Variants in PRELID2 observed in about 807,000 individuals in gnomAD.
The protein encoded by PRELID2 is PRELI domain-containing protein 2.
A neutral mutation model predicts 28.4 loss-of-function variants in PRELID2; 25 were observed. The observed-to-expected ratio is 0.88, with a 90% CI of 0.64 to 1.23. The LOEUF is 1.23. Ranked by LOEUF, PRELID2 falls within the 50% of genes most tolerant of loss-of-function variation. The pLI is 0.00. For synonymous variants in PRELID2, 76 were observed against 71.6 expected (o/e 1.06, Z -0.31); for missense variants, 201 against 214.4 (o/e 0.94, Z 0.39).
At chr5:145,651,776 A>G (rs553119865) in intron 1 of PRELID2, among the ~76,000 whole-genome samples, 5 of 152,332 alleles carry the variant, frequency 3.3e-5, no homozygotes, top group African/African-American at 1.2e-4. Flanking sequence ...ATCAAAGACC[A>G]AGGTAGATAA....
At chr5:145,504,809 C>G (rs1451839577) in intron 1 of PRELID2, among the ~76,000 whole-genome samples, 1 of 152,180 alleles carries the variant, frequency 6.6e-6, no homozygotes, top group Non-Finnish European at 1.5e-5. Flanking sequence ...TATAACTTAT[C>G]TAATTATATT....
At chr5:145,697,072 T>TACAC (rs1280033754) in intron 1 of PRELID2, among the ~76,000 whole-genome samples, 2 of 117,998 alleles carry the variant, frequency 1.7e-5, no homozygotes, top group African/African-American at 4.6e-5. Context: ...TATATATATA[T>TACAC]ATATATATAC....
In PRELID2 at chr5:145,483,775, C is replaced by A. The variant is rs140327135; in HGVS notation, n.71-10460G>T. 8.7e-3 allele frequency among the ~76,000 whole-genome samples: 1,321 copies of A among 152,316 alleles called. 18 individuals carry two copies. Among genetic ancestry groups the A allele is most frequent in the African/African-American group, 0.031 (1,274 of 41,566 alleles). ...GTTGAAAACCTATGTCCTTACCTAT[C>A]ACAATATGCTAAGATAATTGTCTTA... On this transcript the variant is annotated intron_variant and non_coding_transcript_variant, in intron 1 of 2. Coordinates refer to the PRELID2 transcript ENST00000510259.
chr5:145,517,876 C>A (rs1049756490), intron 1 of PRELID2, among the ~76,000 whole-genome samples: 14 of 152,086 alleles, frequency 9.2e-5, no homozygotes, highest in African/African-American at 3.4e-4. Flanking sequence ...TCATTCTCAG[C>A]AAACTAACAC....
chr5:145,313,527 G>A, the PRELID2 span, among the ~76,000 whole-genome samples: 1,577 of 141,430 alleles, frequency 0.011, 10 homozygotes, highest in Non-Finnish European at 0.017. Flanking sequence ...TCTGCTCTCC[G>A]ACAATAGCCT....
intron 1 of PRELID2, among the ~76,000 whole-genome samples, chr5:145,651,995 A>G (rs1441999179): frequency 6.6e-6 from 1 of 152,218 alleles, no homozygotes; most frequent in Non-Finnish European, 1.5e-5. Flanking sequence ...CAAAGAAGCT[A>G]AAAACCATGA....
chr5:145,817,786 T>G (rs1316351926), intron 4 of PRELID2, 108 bp downstream of exon 4: 6 of 919,906 alleles, frequency 6.5e-6, no homozygotes, highest in East Asian at 3.0e-5. Context: ...GGAATTTGTA[T>G]GAGTTATAAA....
chr5:145,820,102 TTTTTTTGTTTTTTG>T, intron 2 of PRELID2, 84 bp from the exon 3 acceptor site: 1 of 617,454 alleles, frequency 1.6e-6, no homozygotes. Flanking sequence ...GGGGGTGGGG[TTTTTTTGTTTTTTG>T]TTTTTTGTTT....
At chr5:145,652,570 G>C (rs1459150741) in intron 1 of PRELID2, among the ~76,000 whole-genome samples, 1 of 152,250 alleles carries the variant, frequency 6.6e-6, no homozygotes, top group East Asian at 1.9e-4. Flanking sequence ...AACTCTACAA[G>C]ACAGAAGAGA....
the PRELID2 span, among the ~76,000 whole-genome samples, chr5:145,322,732 C>A: frequency 3.3e-5 from 5 of 151,978 alleles, no homozygotes; most frequent in African/African-American, 9.7e-5. Flanking sequence ...AGCAAGAAAG[C>A]AAACAAAAAG....
At chr5:145,591,703 A>T (rs949111949) in intron 1 of PRELID2, among the ~76,000 whole-genome samples, 5 of 152,212 alleles carry the variant, frequency 3.3e-5, no homozygotes. Context: ...AAAGCTGACC[A>T]TCCCTGCTAT....
At chr5:145,240,822 C>G in the PRELID2 span, among the ~76,000 whole-genome samples, 958 of 152,050 alleles carry the variant, frequency 6.3e-3, 8 homozygotes, top group African/African-American at 0.021. Context: ...AAAAAATTAA[C>G]ATGTTTGTTT....
the PRELID2 span, among the ~76,000 whole-genome samples, chr5:145,235,662 G>GA: frequency 6.6e-6 from 1 of 151,936 alleles, no homozygotes; most frequent in Non-Finnish European, 1.5e-5. Context: ...TCTTATTAGG[G>GA]AAAAAAGTGG....
At chr5:145,413,611 TACACACACACACACACACAC>T in the PRELID2 span, among the ~76,000 whole-genome samples, 1 of 140,060 alleles carries the variant, frequency 7.1e-6, no homozygotes, top group Non-Finnish European at 1.6e-5. Context: ...ATGAAGAAAA[TACACACACACACACACACAC>T]ACACACACAC....
chr5:145,284,277 T>C, the PRELID2 span, among the ~76,000 whole-genome samples: 22 of 152,308 alleles, frequency 1.4e-4, no homozygotes, highest in African/African-American at 5.1e-4. Flanking sequence ...GGAGTAGTTT[T>C]GCTTTTTTGT....
At chr5:145,815,375 T>A (rs1415306086) in intron 4 of PRELID2, among the ~76,000 whole-genome samples, 3 of 152,242 alleles carry the variant, frequency 2.0e-5, no homozygotes, top group African/African-American at 4.8e-5. Context: ...AAAGTATGCA[T>A]GTCCTGAGAA....
the PRELID2 span, among the ~76,000 whole-genome samples, chr5:145,255,648 G>T: frequency 6.6e-6 from 1 of 151,888 alleles, no homozygotes. Context: ...AGGCATGGTG[G>T]TGTGTACCTA....
intron 1 of PRELID2, among the ~76,000 whole-genome samples, chr5:145,572,891 G>T (rs1366073163): frequency 2.6e-5 from 4 of 152,106 alleles, no homozygotes; most frequent in African/African-American, 9.7e-5. Context: ...AAACTCTTGT[G>T]GGGTATACTT....
the PRELID2 span, among the ~76,000 whole-genome samples, chr5:145,243,804 A>G: frequency 1.3e-5 from 2 of 152,156 alleles, no homozygotes; most frequent in African/African-American, 4.8e-5. Context: ...TATCAGCATT[A>G]TTATTTTATA....
Sources: allele counts gnomAD v4.1 joint callset (sites outside exome capture counted in the v4.1 genomes callset), GRCh38; gene constraint gnomAD v4.1.1; transcripts MANE v1.5; gene names NCBI Gene and HGNC (gene_info 2026-07-23, HGNC 2026-07-21).